Variants in COL5A2 observed in about 807,000 individuals in gnomAD.
The protein encoded by COL5A2 is collagen type V alpha 2 chain.
A neutral mutation model predicts 208.2 loss-of-function variants in COL5A2; 23 were observed. That is an observed-to-expected ratio of 0.11 (90% confidence interval 0.08 to 0.16). COL5A2 has a LOEUF of 0.16. COL5A2 is among the 10% of genes least tolerant of loss of function. The pLI, the probability that COL5A2 is intolerant of heterozygous loss-of-function variation, is 1.00. For synonymous variants in COL5A2, 625 were observed against 628.5 expected, an observed-to-expected ratio of 0.99 and a Z score of 0.08; for missense variants, 1,590 against 1,956.4, an observed-to-expected ratio of 0.81 and a Z score of 3.53.
At chr2:189,035,384 C>T (rs1176300015) in intron 52 of COL5A2, among the ~76,000 whole-genome samples, 1 of 151,894 alleles carries the variant, frequency 6.6e-6, no homozygotes, top group African/African-American at 2.4e-5. Context: ...GGTAATGAAA[C>T]CAATAATAAC....
the COL5A2 span, among the ~76,000 whole-genome samples, chr2:189,307,711 C>T: frequency 5.9e-5 from 9 of 152,110 alleles, no homozygotes; most frequent in South Asian, 2.1e-4. Flanking sequence ...GTTTACTAAA[C>T]GAACCCAGAT....
chr2:189,108,973 T>G lies in COL5A2; in HGVS notation c.322+1252A>C, dbSNP rs1020283262. Among the ~76,000 whole-genome samples, 533 of 150,922 alleles carry G rather than the reference T, an allele frequency of 3.5e-3. 2 individuals carry two copies. The highest frequency in any genetic ancestry group is 0.013 in the African/African-American group (520 of 41,430). On this transcript the variant is annotated intron_variant, in intron 2 of 53. Coordinates refer to ENST00000374866, the MANE Select transcript of COL5A2 (RefSeq NM_000393.5). ...TAAAGAGAATTACTTTATTAAGTTTTTTTTTTTTTTTGGTTCACGGTAAAA... is the reference window on the plus strand; with the variant it reads ...TAAAGAGAATTACTTTATTAAGTTTGTTTTTTTTTTTGGTTCACGGTAAAA...
intron 1 of COL5A2, among the ~76,000 whole-genome samples, chr2:189,193,371 A>G (rs958691298): frequency 6.6e-6 from 1 of 152,250 alleles, no homozygotes; most frequent in African/African-American, 2.4e-5. Context: ...GGAAAAAAAT[A>G]GACATTTCAT....
At position 189,083,734 on chromosome 2, in the gene COL5A2, C is replaced by T. The variant is rs10166867; in HGVS notation, c.852+250G>A. Among the ~76,000 whole-genome samples the T allele has an allele frequency of 3.7e-3, 559 of 151,852 alleles. 2 individuals carry two copies. Among genetic ancestry groups the T allele is most frequent in the African/African-American group, 0.012 (510 of 41,394 alleles). ...AGGATTTGAAACTCAGTTTGGAGAG[C>T]ATTCATGTTATGTTCAATATACTTC... On this transcript the variant is annotated intron_variant, in intron 12 of 53. Transcript: ENST00000374866.
At chr2:189,064,497 CAA>C in intron 25 of COL5A2, 58 bp downstream of exon 25, 3 of 1,164,118 alleles carry the variant, frequency 2.6e-6, no homozygotes, top group Non-Finnish European at 3.9e-6. Context: ...AAAACCCGAC[CAA>C]TGCATGCTCA....
chr2:189,297,232 T>C, the COL5A2 span, among the ~76,000 whole-genome samples: 2 of 152,236 alleles, frequency 1.3e-5, no homozygotes, highest in African/African-American at 4.8e-5. Context: ...GCACCACTAC[T>C]GGAAACCAGA....
chr2:189,100,267 C>CA (rs1559104313), intron 3 of COL5A2, 128 bp from the exon 4 acceptor site: 3 of 723,604 alleles, frequency 4.1e-6, no homozygotes, highest in Non-Finnish European at 7.2e-6. Flanking sequence ...CAAAAAACTA[C>CA]AAAAAGAAAG....
rs553233647 is a variant in COL5A2, at chr2:189,110,122, G to A, written c.322+103C>T. 2.0e-4 allele frequency: 179 copies of A among 905,966 alleles called. 2 individuals carry two copies. The South Asian group carries it at 2.2e-3, about 11-fold the overall frequency. The allele number at this position is 905,966 out of a possible 1,614,324, so 56.1% of individuals were successfully genotyped here. A position where few individuals can be genotyped will look rare whatever the true frequency, so the allele number is the denominator to read the frequency against. ...AACCCCAAAAGCCACCAAAAAAGCT[G>A]CTTAATTATTCTCTTGAGTTGCTGA... On this transcript the variant is annotated intron_variant, in intron 2 of 53. Transcript: ENST00000374866.
the COL5A2 span, among the ~76,000 whole-genome samples, chr2:189,327,344 G>A: frequency 3.9e-5 from 6 of 152,062 alleles, no homozygotes; most frequent in Non-Finnish European, 7.4e-5. Flanking sequence ...TAGCAAGAAG[G>A]AGAAAAATTG....
rs1469353135 is a variant in COL5A2, at chr2:189,033,339, A to G, written c.*731T>C. Reference sequence around the variant, plus strand: ...ATAGATTGATCAAGAGGAGAAAGATATCTTTAAATTTGAATGAGAAAGATG... The same window carrying G: ...ATAGATTGATCAAGAGGAGAAAGATGTCTTTAAATTTGAATGAGAAAGATG... On this transcript the variant is annotated 3_prime_UTR_variant, in exon 54 of 54. Coordinates refer to ENST00000374866, the MANE Select transcript of COL5A2 (RefSeq NM_000393.5). 6.5e-6 allele frequency: 1 copy of G among 152,726 alleles called. No individual in the cohort carries two copies. Among genetic ancestry groups the G allele is most frequent in the African/African-American group, 2.4e-5 (1 of 41,448 alleles). 9.5% of individuals were successfully genotyped at this position (152,726 alleles called of 1,614,324 possible).
chr2:189,419,909 G>A, the COL5A2 span, among the ~76,000 whole-genome samples: 11 of 139,766 alleles, frequency 7.9e-5, no homozygotes, highest in African/African-American at 3.0e-4. Flanking sequence ...GAGAAGAGGA[G>A]GAGGAGAAGA....
upstream of COL5A2, among the ~76,000 whole-genome samples, chr2:189,225,832 T>C (rs1689408732): frequency 6.6e-6 from 1 of 152,164 alleles, no homozygotes; most frequent in African/African-American, 2.4e-5. Context: ...TTCTTATACT[T>C]TTTCACTTGT....
intron 1 of COL5A2, among the ~76,000 whole-genome samples, chr2:189,185,670 T>G (rs1156567055): frequency 1.3e-5 from 2 of 152,232 alleles, no homozygotes; most frequent in Non-Finnish European, 2.9e-5. Context: ...TAGACCTCTA[T>G]TAACATCATA....
At chr2:189,138,101 A>G (rs938515739) in intron 1 of COL5A2, among the ~76,000 whole-genome samples, 2 of 152,024 alleles carry the variant, frequency 1.3e-5, no homozygotes, top group Non-Finnish European at 2.9e-5. Context: ...CAGCCTCCTG[A>G]GTAGCTGGGA....
the COL5A2 span, among the ~76,000 whole-genome samples, chr2:189,395,243 G>A: frequency 5.2e-3 from 790 of 152,002 alleles, 5 homozygotes; most frequent in African/African-American, 0.014. Flanking sequence ...CATCCCTTTC[G>A]TGGTCTTTTG....
intron 6 of COL5A2, chr2:189,095,945 C>G (rs1302337523): frequency 1.3e-5 from 2 of 150,264 alleles, no homozygotes; most frequent in Admixed American, 6.7e-5. Flanking sequence ...TCTGGACACA[C>G]CCCAAGATAT....
the COL5A2 span, among the ~76,000 whole-genome samples, chr2:189,282,580 G>C: frequency 6.6e-6 from 1 of 152,272 alleles, no homozygotes; most frequent in South Asian, 2.1e-4. Flanking sequence ...AGGCAGAGAG[G>C]CTAACAGAGG....
chr2:189,190,498 C>A (rs578014185), intron 1 of COL5A2, among the ~76,000 whole-genome samples: 1 of 152,206 alleles, frequency 6.6e-6, no homozygotes, highest in Non-Finnish European at 1.5e-5. Context: ...ATAATTTATA[C>A]ACATTTATTT....
intron 40 of COL5A2, among the ~76,000 whole-genome samples, 154 bp downstream of exon 40, chr2:189,052,595 A>C (rs775963843): frequency 6.6e-6 from 1 of 152,218 alleles, no homozygotes; most frequent in African/African-American, 2.4e-5. Context: ...CCAAATCTCC[A>C]TCTGAGTTAA....
Sources: allele counts gnomAD v4.1 joint callset (sites outside exome capture counted in the v4.1 genomes callset), GRCh38; gene constraint gnomAD v4.1.1; transcripts MANE v1.5; gene names NCBI Gene and HGNC (gene_info 2026-07-23, HGNC 2026-07-21).